CUL5: variants seen among roughly 807,000 people sequenced by gnomAD.
The protein encoded by CUL5 is cullin-5.
A neutral mutation model predicts 108.8 loss-of-function variants in CUL5; 26 were observed. The observed-to-expected ratio is 0.24, with a 90% CI of 0.18 to 0.33. CUL5 has a LOEUF of 0.33. Ranked by LOEUF, CUL5 falls within the 10% of genes least tolerant of loss-of-function variation. The pLI, the probability that CUL5 is intolerant of heterozygous loss-of-function variation, is 1.00. For synonymous variants in CUL5, 334 were observed against 298.0 expected (o/e 1.12, Z -1.25); for missense variants, 524 against 909.2 (o/e 0.58, Z 5.45).
intron 7 of CUL5, among the ~76,000 whole-genome samples, chr11:108,067,930 T>G (rs542761710): frequency 6.6e-6 from 1 of 152,270 alleles, no homozygotes; most frequent in South Asian, 2.1e-4. Flanking sequence ...TATTTTTCTT[T>G]TTTTTTTCCT....
chr11:108,058,066 G>A lies in CUL5; in HGVS notation c.780+3111G>A, dbSNP rs561104220. On this transcript the variant is annotated intron_variant, in intron 7 of 18. Transcript: ENST00000393094. The stretch of plus-strand genomic sequence containing the variant: ...TCTACTAAAAATACAAAAATTAGCC[G>A]GACGTGGTGGCGTGCACCTGTAATC... Among the ~76,000 whole-genome samples the A allele has an allele frequency of 2.0e-3, 304 of 151,496 alleles. 1 individual carries two copies. The highest frequency in any genetic ancestry group is 3.7e-3 in the Non-Finnish European group (252 of 67,848).
In CUL5 at chr11:108,072,478, A is replaced by G; in HGVS notation, c.1005+16A>G. On this transcript the variant is annotated intron_variant, in intron 9 of 18. Transcript: ENST00000393094. ...TATTACTACTGTAAGTTTTTTTTCA[A>G]TGGCAATGATAGATATATATCAAGG... is the stretch of plus-strand genomic sequence containing the variant. The G allele has an allele frequency of 1.3e-6, 2 of 1,593,286 alleles. No individual in the cohort carries two copies. Among genetic ancestry groups the G allele is most frequent in the Middle Eastern group, 3.3e-4 (2 of 5,972 alleles).
At chr11:108,081,954 A>G (rs1462188067) in intron 11 of CUL5, among the ~76,000 whole-genome samples, 1 of 152,210 alleles carries the variant, frequency 6.6e-6, no homozygotes, top group Non-Finnish European at 1.5e-5. Flanking sequence ...GTTCCCTTCT[A>G]ATTCCATATG....
rs563794220 is a variant in CUL5 at position 108,060,481 on chromosome 11, CT to C, written c.780+5536del. Among the ~76,000 whole-genome samples the C allele has an allele frequency of 8.9e-3, 1,317 of 148,802 alleles. 7 individuals carry two copies. Among genetic ancestry groups the C allele is most frequent in the Non-Finnish European group, 0.014 (969 of 66,894 alleles). On this transcript the variant is annotated intron_variant, in intron 7 of 18. Transcript: ENST00000393094. ...ATATAACTAATGAAAATCAGAAATG[CT>C]TTTTTTTTTAAACGAAATTTGAGCG...
intron 16 of CUL5, among the ~76,000 whole-genome samples, chr11:108,096,564 C>CTTTTTTT (rs71047671): frequency 2.2e-5 from 1 of 45,820 alleles, no homozygotes; most frequent in Non-Finnish European, 3.8e-5. Context: ...CAGCTATGTA[C>CTTTTTTT]TTTTTTTTTT....
intron 11 of CUL5, among the ~76,000 whole-genome samples, chr11:108,084,458 A>T (rs1432215652): frequency 3.3e-5 from 5 of 152,192 alleles, no homozygotes; most frequent in African/African-American, 1.2e-4. Flanking sequence ...AACCCATTGG[A>T]CACTGAATTG....
intron 2 of CUL5, among the ~76,000 whole-genome samples, chr11:108,034,679 A>C (rs1040389817): frequency 6.6e-6 from 1 of 152,092 alleles, no homozygotes; most frequent in African/African-American, 2.4e-5. Flanking sequence ...GAAAAGCAAA[A>C]ATCATTAATG....
chr11:108,087,143 CTA>C (rs1380939438), intron 11 of CUL5, among the ~76,000 whole-genome samples: 20 of 152,050 alleles, frequency 1.3e-4, no homozygotes, highest in Non-Finnish European at 1.5e-5. Context: ...CTAGTCTCAT[CTA>C]CTTATTTATG....
intron 1 of CUL5, among the ~76,000 whole-genome samples, chr11:108,022,776 C>T (rs924718710): frequency 2.0e-5 from 3 of 152,006 alleles, no homozygotes; most frequent in African/African-American, 7.3e-5. Context: ...TTCTCTGAGC[C>T]GGTGGTTCAA....
At chr11:108,048,278 T>G (rs1009113965) in intron 3 of CUL5, among the ~76,000 whole-genome samples, 1 of 151,962 alleles carries the variant, frequency 6.6e-6, no homozygotes, top group Non-Finnish European at 1.5e-5. Flanking sequence ...ATAATAAACA[T>G]AGGTGGAGTC....
Position 108,046,342 on chromosome 11 carries a change from T to A in CUL5, c.207T>A (p.Ile69=). The A allele has an allele frequency of 6.2e-7, 1 of 1,612,354 alleles. No individual in the cohort carries two copies. Among genetic ancestry groups the A allele is most frequent in the East Asian group, 2.2e-5 (1 of 44,748 alleles). Residue 69 remains isoleucine, a synonymous_variant, in exon 3 of 19, where the codon ATT becomes ATA. Coordinates refer to ENST00000393094, the MANE Select transcript of CUL5 (RefSeq NM_003478.6). ...AKIHQALKED[I]LEFIKQAQAR... ...TTCATCAGGCTTTAAAAGAAGATAT[T>A]CTTGAGTTTATTAAGCAAGCACAGG...
At chr11:108,021,237 C>T (rs1412797195) in intron 1 of CUL5, among the ~76,000 whole-genome samples, 2 of 152,188 alleles carry the variant, frequency 1.3e-5, no homozygotes, top group Non-Finnish European at 2.9e-5. Context: ...CTCTAATCCA[C>T]AATCAGTATG....
chr11:108,094,778 A>G (rs368249929), intron 14 of CUL5, 34 bp from the exon 15 acceptor site: 14 of 1,468,642 alleles, frequency 9.5e-6, no homozygotes, highest in Non-Finnish European at 1.0e-5. Context: ...TCCATTGTTA[A>G]TTTACTTTAT....
At chr11:108,082,076 TTTTA>T (rs1457640426) in intron 11 of CUL5, among the ~76,000 whole-genome samples, 2 of 152,194 alleles carry the variant, frequency 1.3e-5, no homozygotes, top group African/African-American at 4.8e-5. Flanking sequence ...TGGAATTTCT[TTTTA>T]TTTGTTTTTT....
intron 10 of CUL5, among the ~76,000 whole-genome samples, chr11:108,075,537 G>A (rs1453579151): frequency 6.6e-6 from 1 of 152,116 alleles, no homozygotes; most frequent in Non-Finnish European, 1.5e-5. Context: ...AATGACAGCA[G>A]GCTCTAGAAG....
chr11:108,063,860 C>T (rs4508171), intron 7 of CUL5, among the ~76,000 whole-genome samples: 1 of 151,820 alleles, frequency 6.6e-6, no homozygotes, highest in African/African-American at 2.4e-5. Context: ...CATCATTATA[C>T]GAGGGTTCCT....
At chr11:108,053,281 G>A (rs1003588129) in intron 5 of CUL5, among the ~76,000 whole-genome samples, 2 of 152,096 alleles carry the variant, frequency 1.3e-5, no homozygotes, top group Non-Finnish European at 2.9e-5. Context: ...CTCTCATTTA[G>A]TGCTTCACAG....
chr11:108,039,368 T>G (rs1439843825), intron 2 of CUL5, among the ~76,000 whole-genome samples: 1 of 152,150 alleles, frequency 6.6e-6, no homozygotes, highest in Admixed American at 6.6e-5. Flanking sequence ...TGTGTCTTTC[T>G]CCTCACCCTT....
At chr11:108,077,973 CAACA>C (rs1235830127) in intron 10 of CUL5, among the ~76,000 whole-genome samples, 199 bp from the exon 11 acceptor site, 1 of 151,906 alleles carries the variant, frequency 6.6e-6, no homozygotes, top group East Asian at 1.9e-4. Context: ...AAACCAACAA[CAACA>C]AAAAAACCTC....
Sources: allele counts gnomAD v4.1 joint callset (sites outside exome capture counted in the v4.1 genomes callset), GRCh38; gene constraint gnomAD v4.1.1; transcripts MANE v1.5; gene names NCBI Gene and HGNC (gene_info 2026-07-23, HGNC 2026-07-21).